The following ANKRD36C variants were observed in gnomAD, a reference collection of about 807,000 sequenced individuals.
ANKRD36C encodes ankyrin repeat domain-containing protein 36C.
Under a neutral mutation model 276.4 loss-of-function variants are expected in ANKRD36C, and 61 were observed. The observed-to-expected ratio is 0.22, with a 90% CI of 0.18 to 0.27. The LOEUF (loss-of-function observed/expected upper bound fraction) is 0.27. Among genes scored for constraint, ANKRD36C ranks in the 10% least tolerant of loss-of-function variants. The pLI is 1.00. For synonymous variants in ANKRD36C, 483 were observed against 680.1 expected, an observed-to-expected ratio of 0.71 and a Z score of 4.51; for missense variants, 1,447 against 2,032.3, an observed-to-expected ratio of 0.71 and a Z score of 5.54.
intron 42 of ANKRD36C, 72 bp from the exon 47 acceptor site, chr2:95,908,769 T>C: frequency 6.5e-7 from 1 of 1,530,394 alleles, no homozygotes; most frequent in Non-Finnish European, 8.8e-7. Context: ...TCATGCAGTG[T>C]TAGCATCAAC....
At chr2:95,891,490 T>A (rs1676356244) in intron 46 of ANKRD36C, among the ~76,000 whole-genome samples, 175 bp downstream of exon 66, 1 of 151,170 alleles carries the variant, frequency 6.6e-6, no homozygotes, top group African/African-American at 2.4e-5. Flanking sequence ...ACTGCGAAGA[T>A]CATGTTCCAG....
rs551210382 is a variant in ANKRD36C at position 95,916,204 on chromosome 2, T to A, written c.2348-33A>T. The A allele has an allele frequency of 2.3e-4, 372 of 1,601,864 alleles. 5 individuals carry two copies. The South Asian group carries it at 3.6e-3, about 15-fold the overall frequency. ...GCAAAAGGGACACGTAATCACTCAC[T>A]CGTAAATATGATAAAGTTATCCATA... On this transcript the variant is annotated intron_variant, in intron 36 of 66. Transcript: ENST00000456556.
chr2:95,869,027 T>A (rs113110566), intron 59 of ANKRD36C, among the ~76,000 whole-genome samples: 4 of 151,130 alleles, frequency 2.6e-5, no homozygotes, highest in African/African-American at 9.7e-5. Context: ...TGAGACAATT[T>A]TTGCACATGC....
intron 1 of ANKRD36C, among the ~76,000 whole-genome samples, chr2:95,990,514 A>T (rs1052087500): frequency 2.0e-5 from 3 of 152,220 alleles, no homozygotes; most frequent in Non-Finnish European, 4.4e-5. Context: ...CTAGAAAGGC[A>T]AGTCTTTTTT....
At chr2:95,960,393 C>T in intron 10 of ANKRD36C, 80 bp downstream of exon 10, 14 of 1,499,158 alleles carry the variant, frequency 9.3e-6, no homozygotes, top group Non-Finnish European at 1.3e-5. Flanking sequence ...TTCAATGAGC[C>T]CCCTGCTGAT....
At chr2:95,928,179 T>C (rs566532682) in intron 26 of ANKRD36C, among the ~76,000 whole-genome samples, 1 of 151,748 alleles carries the variant, frequency 6.6e-6, no homozygotes, top group African/African-American at 2.4e-5. Context: ...CACTCCAATA[T>C]TCATTGAAAA....
At chr2:95,859,814 T>C in intron 61 of ANKRD36C, 47 bp downstream of exon 81, 6 of 1,541,004 alleles carry the variant, frequency 3.9e-6, no homozygotes, top group Non-Finnish European at 5.3e-6. Context: ...TATACGTCTT[T>C]AATATAAAAC....
At chr2:95,855,057 T>C (rs1207174533) in intron 63 of ANKRD36C, among the ~76,000 whole-genome samples, 2 of 152,204 alleles carry the variant, frequency 1.3e-5, no homozygotes, top group Non-Finnish European at 2.9e-5. Context: ...CTTAAAATTT[T>C]ATAAGTGACA....
chr2:95,962,473 A>T lies in ANKRD36C; in HGVS notation c.828+46T>A, dbSNP rs541081769. The T allele has an allele frequency of 3.8e-6, 6 of 1,593,748 alleles. No homozygotes were observed. The East Asian group carries it at 9.0e-5, about 24-fold the overall frequency. On this transcript the variant is annotated intron_variant, in intron 7 of 66. Transcript: ENST00000456556. ...AATCAATACGTAAAGTATTTTTCAC[A>T]GACTATATAGTTAATAGTTCAAAAC...
At chr2:95,862,346 AT>A (rs1317951069) in intron 60 of ANKRD36C, among the ~76,000 whole-genome samples, 2 of 152,152 alleles carry the variant, frequency 1.3e-5, no homozygotes, top group African/African-American at 4.8e-5. Flanking sequence ...CTGACCACAA[AT>A]CAATCAGATT....
At chr2:95,879,148 G>C (rs1676019823) in intron 58 of ANKRD36C, among the ~76,000 whole-genome samples, 1 of 152,120 alleles carries the variant, frequency 6.6e-6, no homozygotes, top group Non-Finnish European at 1.5e-5. Context: ...TCATTCACAT[G>C]ACATGGATGG....
chr2:95,855,696 C>G lies in ANKRD36C; in HGVS notation c.4565G>C (p.Ser1522Thr), dbSNP rs1292102598. ...CTCAGTTTCGAGGACTCTGAACTTA[C>G]TCTCAGCTTTAGAAAGTTGCAGAGA... The change falls in exon 63 of 67, where the codon AGT becomes ACT. Residue 1522 changes from serine to threonine, a missense_variant. By Grantham distance (58) the Ser-to-Thr change is moderately conservative (BLOSUM62 1). Transcript: ENST00000456556. The G allele has an allele frequency of 3.1e-6, 5 of 1,612,352 alleles. No homozygotes were observed. In the South Asian group the frequency reaches 4.4e-5, roughly 14 times the overall value.
At chr2:95,897,341 G>T in intron 44 of ANKRD36C, 3 of 1,552,342 alleles carry the variant, frequency 1.9e-6, no homozygotes, top group Middle Eastern at 2.3e-4. Flanking sequence ...ATCTCTTGTA[G>T]CCTGAATGGA....
intron 30 of ANKRD36C, 101 bp from the exon 31 acceptor site, chr2:95,923,790 A>G (rs1677338222): frequency 1.2e-5 from 19 of 1,523,554 alleles, no homozygotes; most frequent in Non-Finnish European, 1.7e-5. Flanking sequence ...TCCTGCCTGT[A>G]TTAGTATAGG....
In ANKRD36C at chr2:95,916,270, G is replaced by C; in HGVS notation, c.2348-99C>G. The C allele has an allele frequency of 1.9e-6, 3 of 1,561,546 alleles. No individual in the cohort carries two copies. In the South Asian group the frequency reaches 3.4e-5, roughly 18 times the overall value. ...AGCATCAACCTCTGAACTCCTGCCT[G>C]TATTAGTGGAGGCTTTGATGGCTTC... On this transcript the variant is annotated intron_variant, in intron 36 of 66. Coordinates refer to ENST00000456556, the Ensembl canonical transcript of ANKRD36C.
At chr2:95,889,559 A>T (rs1558628093) in intron 48 of ANKRD36C, among the ~76,000 whole-genome samples, 1 of 151,500 alleles carries the variant, frequency 6.6e-6, no homozygotes. Context: ...TATGTGTTGA[A>T]TTGCGGTCAG....
At chr2:95,921,058 G>C (rs1677250387) in intron 34 of ANKRD36C, among the ~76,000 whole-genome samples, 1 of 150,392 alleles carries the variant, frequency 6.6e-6, no homozygotes, top group Non-Finnish European at 1.5e-5. Flanking sequence ...CATGTGAAGT[G>C]AGTTCACTCA....
At chr2:95,892,375 G>C (rs926517199) in intron 44 of ANKRD36C, among the ~76,000 whole-genome samples, 1 of 151,450 alleles carries the variant, frequency 6.6e-6, no homozygotes, top group Non-Finnish European at 1.5e-5. Context: ...GTGGAAGTGT[G>C]CTAAATTGAT....
chr2:95,879,180 G>A (rs1455164239), intron 58 of ANKRD36C, among the ~76,000 whole-genome samples: 1 of 152,156 alleles, frequency 6.6e-6, no homozygotes, highest in Non-Finnish European at 1.5e-5. Context: ...ATTATGTCAA[G>A]TAAAATAATC....
Sources: gnomAD v4.1 joint callset for allele counts (sites outside exome capture counted in the v4.1 genomes callset) on GRCh38, gnomAD v4.1.1 for gene constraint, MANE v1.5 for transcripts, NCBI Gene and HGNC (gene_info 2026-07-23, HGNC 2026-07-21) for gene names.